Variants in HAUS1 observed in about 807,000 individuals in gnomAD.
HAUS1 encodes HAUS augmin like complex subunit 1, also known as HAUS augmin-like complex subunit 1.
HAUS1 carries 25 observed loss-of-function variants against 38.6 expected under a neutral mutation model. The ratio of observed to expected loss-of-function variants is 0.65; its 90% CI spans 0.47 to 0.91. The LOEUF is 0.91. Ranked by LOEUF, HAUS1 falls within the 40% of genes least tolerant of loss-of-function variation. The pLI, the probability that HAUS1 is intolerant of heterozygous loss-of-function variation, is 0.00. For missense variants in HAUS1, 325 were observed against 328.4 expected, an observed-to-expected ratio of 0.99 and a Z score of 0.08; for synonymous variants, 109 against 112.9, an observed-to-expected ratio of 0.97 and a Z score of 0.22.
In HAUS1 at chr18:46,119,954, T is replaced by G. The variant is rs1911892797; in HGVS notation, c.370T>G (p.Ser124Ala). The G allele has an allele frequency of 6.2e-7, 1 of 1,606,536 alleles. No individual in the cohort carries two copies. Among genetic ancestry groups the G allele is most frequent in the Non-Finnish European group, 8.5e-7 (1 of 1,177,274 alleles). ...TATCCCTGCAGTGAATGATTTGACC[T>G]CTGATCTCTTTCGTACCAAATCCAA... ...SFIPAVNDLT[S>A]DLFRTKSKSE... is the part of the protein sequence containing the mutation. Residue 124 changes from serine to alanine, a missense_variant, in exon 4 of 9, where the codon TCT becomes GCT. Ser to Ala is a moderately conservative substitution (Grantham distance 99, BLOSUM62 1). Coordinates refer to ENST00000282058, the MANE Select transcript of HAUS1 (RefSeq NM_138443.4).
rs963748512 is a variant in HAUS1, at chr18:46,122,489, C to G, written c.499C>G (p.His167Asp). The G allele has an allele frequency of 6.2e-7, 1 of 1,613,680 alleles. No homozygotes were observed. ...AAGGGATGTCAAGAAAGCAGAGTTG[C>G]ATCTGTCTACAGAAAGGGCCAAAGT... ...LQEDVKKAEL[H>D]LSTERAKVDN... is the part of the protein sequence containing the mutation. Residue 167 changes from histidine (H) to aspartate (D), a missense_variant, in exon 5 of 9, where the codon CAT becomes GAT. Coordinates refer to ENST00000282058, the MANE Select transcript of HAUS1 (RefSeq NM_138443.4).
intron 2 of HAUS1, among the ~76,000 whole-genome samples, chr18:46,113,035 AAT>A (rs1491266496): frequency 9.5e-5 from 9 of 94,550 alleles, no homozygotes; most frequent in African/African-American, 3.0e-4. Context: ...TTATATATAT[AAT>A]ATATATATTC....
intron 3 of HAUS1, 52 bp from the exon 4 acceptor site, chr18:46,119,872 TAA>T: frequency 7.0e-7 from 1 of 1,425,462 alleles, no homozygotes; most frequent in South Asian, 1.5e-5. Flanking sequence ...CAATGAGGAG[TAA>T]TTATAATTAT....
chr18:46,118,118 A>T, intron 2 of HAUS1, 63 bp from the exon 3 acceptor site: 2 of 1,525,476 alleles, frequency 1.3e-6, no homozygotes, highest in Admixed American at 3.4e-5. Context: ...TTATGTCTTG[A>T]TAAAGCTGTT....
chr18:46,114,470 C>T (rs113362403), intron 2 of HAUS1, among the ~76,000 whole-genome samples: 2 of 152,136 alleles, frequency 1.3e-5, no homozygotes, highest in Non-Finnish European at 2.9e-5. Flanking sequence ...AGTGCGGCAG[C>T]CTTAGGTCCT....
intron 2 of HAUS1, 176 bp downstream of exon 2, chr18:46,105,544 ATATGTATG>A (rs1555697180): frequency 1.9e-4 from 95 of 501,022 alleles, no homozygotes; most frequent in South Asian, 1.8e-3. Flanking sequence ...ATATATATGT[ATATGTATG>A]TGTGTGTGTG....
intron 2 of HAUS1, among the ~76,000 whole-genome samples, chr18:46,107,736 C>T (rs946338156): frequency 2.0e-5 from 3 of 152,160 alleles, no homozygotes. Context: ...TAAAAATAAT[C>T]CAAATCATTT....
chr18:46,122,847 G>A (rs978635024), intron 5 of HAUS1, among the ~76,000 whole-genome samples: 1 of 152,132 alleles, frequency 6.6e-6, no homozygotes, highest in South Asian at 2.1e-4. Flanking sequence ...CACATGTAAC[G>A]TACAAATGCT....
intron 8 of HAUS1, among the ~76,000 whole-genome samples, chr18:46,127,251 C>T (rs962122215): frequency 6.6e-6 from 1 of 152,004 alleles, no homozygotes. Context: ...GCATTACAGG[C>T]ATGAGCCACC....
At position 46,123,493 on chromosome 18, in the gene HAUS1, T is replaced by A. The variant is rs1368966842; in HGVS notation, c.666+129T>A. ...TTTCTTTTCCTTTACCTTTGTACTT[T>A]ATATTCACTGGTATTTATATCTTTT... On this transcript the variant is annotated intron_variant, in intron 6 of 8. Transcript: ENST00000282058. 8 of 659,320 alleles carry A rather than the reference T, an allele frequency of 1.2e-5. No homozygotes were observed. The East Asian group carries it at 2.1e-4, about 17-fold the overall frequency. The allele number at this position is 659,320 out of a possible 1,614,324, so 40.8% of individuals were successfully genotyped here.
chr18:46,125,557 A>T (rs78226023), intron 7 of HAUS1, among the ~76,000 whole-genome samples, 187 bp from the exon 8 acceptor site: 19,616 of 149,166 alleles, frequency 0.13, 1,637 homozygotes, highest in East Asian at 0.39. Flanking sequence ...AAAAAAAAAA[A>T]AAAAAGAAAG....
At chr18:46,105,056 C>A in intron 1 of HAUS1, 138 bp from the exon 2 acceptor site, 1 of 540,764 alleles carries the variant, frequency 1.8e-6, no homozygotes, top group Non-Finnish European at 3.3e-6. Context: ...TCCCTAAAGA[C>A]AAGTGAGGTT....
intron 8 of HAUS1, 40 bp downstream of exon 8, chr18:46,125,831 G>GA: frequency 1.6e-6 from 2 of 1,273,046 alleles, no homozygotes; most frequent in Non-Finnish European, 2.3e-6. Context: ...TTTTTAAAAA[G>GA]AAAATAAATG....
intron 2 of HAUS1, among the ~76,000 whole-genome samples, chr18:46,113,190 C>G (rs1911719322): frequency 6.6e-6 from 1 of 150,566 alleles, no homozygotes; most frequent in Non-Finnish European, 1.5e-5. Context: ...GATTCTCATG[C>G]CTCAGTCTCC....
chr18:46,122,596 T>C lies in HAUS1; in HGVS notation c.600+6T>C. 1 of 1,614,102 alleles carries C rather than the reference T, an allele frequency of 6.2e-7. No individual in the cohort carries two copies. Among genetic ancestry groups the C allele is most frequent in the South Asian group, 1.1e-5 (1 of 91,078 alleles). Reference sequence around the variant, plus strand: ...TTGGAATCAAGGCTGCAGAGGTTTGTATGAAGGACCGAATATAGTTAGCTC... The same window carrying C: ...TTGGAATCAAGGCTGCAGAGGTTTGCATGAAGGACCGAATATAGTTAGCTC... On this transcript the variant is annotated splice_donor_region_variant and intron_variant, in intron 5 of 8. Coordinates refer to ENST00000282058, the MANE Select transcript of HAUS1 (RefSeq NM_138443.4).
In HAUS1 at chr18:46,113,058, A is replaced by ATAATATATATATTCCATATTATATG. The variant is rs1568263729; in HGVS notation, c.206-5121_206-5120insATATATATATTCCATATTATATGTA. Reference sequence around the variant, plus strand: ...ATAATATATATATTCCATATTATATATATAATATATATATTCCATATATAT... The same window carrying ATAATATATATATTCCATATTATATG: ...ATAATATATATATTCCATATTATATATAATATATATATTCCATATTATATGTATAATATATATATTCCATATATAT... On this transcript the variant is annotated intron_variant, in intron 2 of 8. Coordinates refer to ENST00000282058, the MANE Select transcript of HAUS1 (RefSeq NM_138443.4). Among the ~76,000 whole-genome samples the ATAATATATATATTCCATATTATATG allele has an allele frequency of 3.2e-3, 429 of 133,256 alleles. 2 individuals carry two copies. The highest frequency in any genetic ancestry group is 0.012 in the African/African-American group (418 of 33,882). 87.4% of individuals were successfully genotyped at this position (133,256 alleles called of 152,430 possible).
chr18:46,104,511 G>C, intron 1 of HAUS1, 70 bp downstream of exon 1: 1 of 1,313,500 alleles, frequency 7.6e-7, no homozygotes, highest in Non-Finnish European at 1.0e-6. Flanking sequence ...CGCCGACAGC[G>C]GGTCTCCTGT....
chr18:46,117,704 G>A (rs959336629), intron 2 of HAUS1, among the ~76,000 whole-genome samples: 1 of 152,032 alleles, frequency 6.6e-6, no homozygotes, highest in African/African-American at 2.4e-5. Context: ...CAGCACTTTG[G>A]GAGGCCAAAG....
intron 2 of HAUS1, among the ~76,000 whole-genome samples, chr18:46,112,402 T>C: frequency 1.1e-5 from 1 of 88,466 alleles, no homozygotes; most frequent in Non-Finnish European, 1.9e-5. Flanking sequence ...ATAATATATA[T>C]AATGTGTATA....
Sources: gnomAD v4.1 joint callset for allele counts (sites outside exome capture counted in the v4.1 genomes callset) on GRCh38, gnomAD v4.1.1 for gene constraint, MANE v1.5 for transcripts, NCBI Gene and HGNC (gene_info 2026-07-23, HGNC 2026-07-21) for gene names.